The following EFHC2 variants were observed in gnomAD, a reference collection of about 807,000 sequenced individuals.
The protein encoded by EFHC2 is EF-hand domain-containing family member C2.
Under a neutral mutation model 52.7 loss-of-function variants are expected in EFHC2, and 18 were observed. The observed-to-expected ratio is 0.34, with a 90% CI of 0.24 to 0.51. The LOEUF (loss-of-function observed/expected upper bound fraction) is 0.51. Ranked by LOEUF, EFHC2 falls within the 20% of genes least tolerant of loss-of-function variation. The probability of loss-of-function intolerance (pLI) is 0.97; values close to 1 mark genes in which losing one functional copy is unlikely to be tolerated. For missense variants in EFHC2, 513 were observed against 562.5 expected (o/e 0.91, Z 0.89); for synonymous variants, 203 against 204.1 (o/e 0.99, Z 0.04).
At chrX:44,167,481 A>G (rs2036704819) in intron 13 of EFHC2, among the ~76,000 whole-genome samples, 2 of 112,510 alleles carry the variant, frequency 1.8e-5, no homozygotes, top group Non-Finnish European at 3.7e-5. Flanking sequence ...TGCCCAGTTC[A>G]TATGTCAGAC....
At chrX:44,229,903 G>T (rs911755606) in intron 10 of EFHC2, 124 bp from the exon 11 acceptor site, 2 of 697,805 alleles carry the variant, frequency 2.9e-6, no homozygotes, top group East Asian at 3.3e-5. Context: ...ATTTGTCTTT[G>T]CAAAGAAACC....
intron 11 of EFHC2, among the ~76,000 whole-genome samples, chrX:44,227,432 T>C (rs1347540721): frequency 1.8e-5 from 2 of 111,168 alleles, no homozygotes; most frequent in Non-Finnish European, 3.8e-5. Flanking sequence ...GCACCAAGCA[T>C]GTCATATGGA....
At chrX:44,256,171 G>A (rs1023093492) in intron 4 of EFHC2, among the ~76,000 whole-genome samples, 2 of 111,777 alleles carry the variant, frequency 1.8e-5, no homozygotes, top group African/African-American at 6.5e-5. Flanking sequence ...AGCACTAAAT[G>A]CCCACAGGAG....
rs1325199839 is a variant in EFHC2, at chrX:44,201,544, T to TA, written c.1752-22981dup. On this transcript the variant is annotated intron_variant, in intron 11 of 14. Coordinates refer to ENST00000420999, the MANE Select transcript of EFHC2 (RefSeq NM_025184.4). Reference sequence around the variant, plus strand: ...AACAGTAACAGGACTAAAAAGGTTATAAAAAATTTAAAATTAGGTGAAATG... The same window carrying TA: ...AACAGTAACAGGACTAAAAAGGTTATAAAAAAATTTAAAATTAGGTGAAATG... 2.7e-5 allele frequency among the ~76,000 whole-genome samples: 3 copies of TA among 111,499 alleles called. No individual in the cohort carries two copies. The East Asian group carries it at 8.4e-4, about 31-fold the overall frequency.
chrX:44,343,565 G>C lies in EFHC2; in HGVS notation c.24C>G (p.Gly8=), dbSNP rs1048318270. MALPLLP[G]NSFNRNVGKE... ...TACTCACGTTGCGGTTGAAGCTGTT[G>C]CCCGGCAGCAGAGGCAGGGCCATGG... is the stretch of plus-strand genomic sequence containing the variant. Residue 8 remains glycine, a synonymous_variant, in exon 1 of 15, where the codon GGC becomes GGG. Coordinates refer to ENST00000420999, the MANE Select transcript of EFHC2 (RefSeq NM_025184.4). 3 of 1,196,397 alleles carry C rather than the reference G, an allele frequency of 2.5e-6. No individual in the cohort carries two copies. The highest frequency in any genetic ancestry group is 3.5e-5 in the African/African-American group (2 of 57,024).
intron 3 of EFHC2, among the ~76,000 whole-genome samples, chrX:44,263,936 C>T (rs1194999556): frequency 1.8e-5 from 2 of 111,703 alleles, no homozygotes; most frequent in African/African-American, 3.3e-5. Flanking sequence ...AAAACTGGCC[C>T]ACCCACTGGG....
intron 8 of EFHC2, among the ~76,000 whole-genome samples, chrX:44,238,934 A>C (rs1276530276): frequency 8.9e-6 from 1 of 111,815 alleles, no homozygotes; most frequent in Non-Finnish European, 1.9e-5. Context: ...CTTGGTGTCT[A>C]TTTTGTTCAC....
intron 13 of EFHC2, among the ~76,000 whole-genome samples, chrX:44,172,287 C>T (rs1475302904): frequency 8.9e-6 from 1 of 112,047 alleles, no homozygotes; most frequent in Non-Finnish European, 1.9e-5. Context: ...GAGAAGGCTG[C>T]CTCTTTCCTT....
At chrX:44,205,669 AG>A (rs928471425) in intron 11 of EFHC2, among the ~76,000 whole-genome samples, 2 of 111,794 alleles carry the variant, frequency 1.8e-5, no homozygotes, top group Non-Finnish European at 3.8e-5. Context: ...CAATTCAACA[AG>A]AAGATTTAAC....
At chrX:44,309,440 A>G in intron 2 of EFHC2, 1 of 1,096,576 alleles carries the variant, frequency 9.1e-7, no homozygotes, top group Non-Finnish European at 1.3e-6. Flanking sequence ...GTAAAGTCAA[A>G]TGGGCTCTCT....
At chrX:44,233,060 TTCTC>T (rs1270028650) in intron 9 of EFHC2, among the ~76,000 whole-genome samples, 1 of 111,825 alleles carries the variant, frequency 8.9e-6, no homozygotes, top group African/African-American at 3.2e-5. Flanking sequence ...TAGCCTTTTC[TTCTC>T]TCTGTCTACT....
chrX:44,279,990 C>T (rs980946654), intron 2 of EFHC2, among the ~76,000 whole-genome samples: 1 of 107,223 alleles, frequency 9.3e-6, no homozygotes, highest in Non-Finnish European at 1.9e-5. Flanking sequence ...TGTCCACCAC[C>T]AGCCCCCCAA....
intron 1 of EFHC2, among the ~76,000 whole-genome samples, chrX:44,339,177 C>T (rs1251361276): frequency 2.1e-5 from 2 of 94,212 alleles, no homozygotes; most frequent in African/African-American, 8.5e-5. Context: ...GGTGACAGAG[C>T]GAGACTCCAT....
At chrX:44,157,174 T>G (rs1233712911) in intron 14 of EFHC2, among the ~76,000 whole-genome samples, 1 of 112,316 alleles carries the variant, frequency 8.9e-6, no homozygotes, top group Non-Finnish European at 1.9e-5. Flanking sequence ...TCTCCTTGTT[T>G]GTTGTTGACC....
chrX:44,283,695 T>A (rs1450570643), intron 2 of EFHC2, among the ~76,000 whole-genome samples: 8 of 98,323 alleles, frequency 8.1e-5, no homozygotes, highest in Middle Eastern at 5.0e-3. Flanking sequence ...TTTTTTTTTT[T>A]ACATCCGGGA....
At chrX:44,149,435 T>C (rs1025874100) in intron 14 of EFHC2, among the ~76,000 whole-genome samples, 9 of 112,700 alleles carry the variant, frequency 8.0e-5, no homozygotes, top group African/African-American at 2.9e-4. Flanking sequence ...TGTGAACCAT[T>C]GAAATTTAAG....
chrX:44,175,313 T>A (rs1391560432), intron 13 of EFHC2, among the ~76,000 whole-genome samples: 1 of 111,897 alleles, frequency 8.9e-6, no homozygotes. Context: ...GGCACCGCAG[T>A]ATTTAAGAAG....
chrX:44,313,687 C>T (rs1442492393), intron 1 of EFHC2, among the ~76,000 whole-genome samples: 1 of 111,698 alleles, frequency 9.0e-6, no homozygotes, highest in East Asian at 2.8e-4. Flanking sequence ...GGCACAGTGG[C>T]TCACACCTGT....
chrX:44,186,759 C>T (rs1013371410), intron 11 of EFHC2, among the ~76,000 whole-genome samples: 1 of 111,472 alleles, frequency 9.0e-6, no homozygotes, highest in Non-Finnish European at 1.9e-5. Flanking sequence ...TCAAGACTTA[C>T]TCATATCAAA....
Sources: gnomAD v4.1 joint callset for allele counts (sites outside exome capture counted in the v4.1 genomes callset) on GRCh38, gnomAD v4.1.1 for gene constraint, MANE v1.5 for transcripts, NCBI Gene and HGNC (gene_info 2026-07-23, HGNC 2026-07-21) for gene names.